Variants in ADAM23 observed in about 807,000 individuals in gnomAD.
ADAM23 encodes disintegrin and metalloproteinase domain-containing protein 23.
A neutral mutation model predicts 120.1 loss-of-function variants in ADAM23; 33 were observed. The ratio of observed to expected loss-of-function variants is 0.27; its 90% CI spans 0.21 to 0.37. The LOEUF (loss-of-function observed/expected upper bound fraction) is 0.37. Among genes scored for constraint, ADAM23 ranks in the 10% least tolerant of loss-of-function variants. The probability of loss-of-function intolerance (pLI) is 1.00; values close to 1 mark genes in which losing one functional copy is unlikely to be tolerated. For missense variants in ADAM23, 862 were observed against 1,058.2 expected, an observed-to-expected ratio of 0.81 and a Z score of 2.57; for synonymous variants, 367 against 375.2, an observed-to-expected ratio of 0.98 and a Z score of 0.25.
intron 2 of ADAM23, among the ~76,000 whole-genome samples, chr2:206,450,453 T>C (rs1422724413): frequency 6.6e-6 from 1 of 152,216 alleles, no homozygotes; most frequent in East Asian, 1.9e-4. Flanking sequence ...AATTGATGAT[T>C]GAACACTTAT....
At chr2:206,571,490 A>G (rs1231073039) in intron 16 of ADAM23, among the ~76,000 whole-genome samples, 1 of 150,092 alleles carries the variant, frequency 6.7e-6, no homozygotes, top group Non-Finnish European at 1.5e-5. Context: ...AACAAAAAGG[A>G]AAAAAAAAAT....
chr2:206,445,325 C>T lies in ADAM23; in HGVS notation c.233C>T (p.Thr78Ile). 6.2e-7 allele frequency: 1 copy of T among 1,613,866 alleles called. No homozygotes were observed. The highest frequency in any genetic ancestry group is 2.2e-5 in the East Asian group (1 of 44,870). The change falls in exon 2 of 26, where the codon ACT becomes ATT. Residue 78 changes from threonine (T) to isoleucine (I), a missense_variant. Coordinates refer to ENST00000264377, the MANE Select transcript of ADAM23 (RefSeq NM_003812.4). ...CCACCAGCTCCGCATTGGAATGAAA[C>T]TGCAGAAAAAAATTTGGGAGTCCTG... ...AAPSAPHWNETAEKNLGVLAD... is the reference protein window; with the variant it reads ...AAPSAPHWNEIAEKNLGVLAD...
At chr2:206,601,175 A>G (rs1698633838) in intron 24 of ADAM23, among the ~76,000 whole-genome samples, 1 of 152,200 alleles carries the variant, frequency 6.6e-6, no homozygotes, top group African/African-American at 2.4e-5. Context: ...TTCTCATTTG[A>G]TAGTTTACAT....
chr2:206,518,375 A>C (rs1044587281), intron 3 of ADAM23, among the ~76,000 whole-genome samples: 1 of 152,164 alleles, frequency 6.6e-6, no homozygotes, highest in African/African-American at 2.4e-5. Flanking sequence ...ATGCACCTCT[A>C]ATCACTATTT....
At position 206,517,049 on chromosome 2, in the gene ADAM23, T is replaced by TA. The variant is rs200219522; in HGVS notation, c.510-13829dup. ...TAAAATAATAGTAAGCTTGCTAAAA[T>TA]AAAAAAACACGCTCGTACACACAAC... On this transcript the variant is annotated intron_variant, in intron 3 of 25. Transcript: ENST00000264377. 2.6e-4 allele frequency among the ~76,000 whole-genome samples: 40 copies of TA among 152,112 alleles called. No homozygotes were observed. In the East Asian group the frequency reaches 6.0e-3, roughly 23 times the overall value.
At chr2:206,560,555 G>A (rs999277963) in intron 11 of ADAM23, among the ~76,000 whole-genome samples, 4 of 152,126 alleles carry the variant, frequency 2.6e-5, no homozygotes, top group Admixed American at 6.5e-5. Context: ...TACAAGAGAG[G>A]CTAGCAAAAT....
At chr2:206,551,491 A>T (rs1697525594) in intron 9 of ADAM23, among the ~76,000 whole-genome samples, 1 of 152,228 alleles carries the variant, frequency 6.6e-6, no homozygotes, top group African/African-American at 2.4e-5. Flanking sequence ...AGAATCTTTT[A>T]AAAAATGCAT....
chr2:206,505,870 C>A (rs747393448), intron 3 of ADAM23, among the ~76,000 whole-genome samples: 4 of 152,174 alleles, frequency 2.6e-5, no homozygotes, highest in African/African-American at 9.7e-5. Context: ...TGGATCTCCA[C>A]CGGCTGTCTA....
At chr2:206,552,222 A>G (rs1453499744) in intron 9 of ADAM23, among the ~76,000 whole-genome samples, 2 of 152,164 alleles carry the variant, frequency 1.3e-5, no homozygotes. Context: ...TGAATGCACA[A>G]AGTGCATTCT....
intron 2 of ADAM23, among the ~76,000 whole-genome samples, chr2:206,455,580 C>T (rs927249837): frequency 2.0e-5 from 3 of 152,190 alleles, no homozygotes; most frequent in Admixed American, 1.3e-4. Context: ...TTATGCTCTG[C>T]TTCTCTTTTA....
At chr2:206,519,848 C>T (rs1240426491) in intron 3 of ADAM23, among the ~76,000 whole-genome samples, 1 of 151,570 alleles carries the variant, frequency 6.6e-6, no homozygotes, top group Non-Finnish European at 1.5e-5. Context: ...TCCATCTCTA[C>T]AAAAAAATAA....
chr2:206,490,521 A>C (rs190943557), intron 3 of ADAM23, among the ~76,000 whole-genome samples: 2 of 152,268 alleles, frequency 1.3e-5, no homozygotes, highest in East Asian at 3.9e-4. Context: ...GGTAGTTTTG[A>C]AAAAGTGTGT....
intron 3 of ADAM23, among the ~76,000 whole-genome samples, chr2:206,523,960 G>A (rs1224616212): frequency 6.6e-6 from 1 of 152,088 alleles, no homozygotes; most frequent in Non-Finnish European, 1.5e-5. Context: ...GAGAGTCTCC[G>A]CAGTGACAGC....
intron 18 of ADAM23, among the ~76,000 whole-genome samples, chr2:206,581,504 T>G (rs946600077): frequency 2.0e-5 from 3 of 152,238 alleles, no homozygotes; most frequent in Non-Finnish European, 4.4e-5. Context: ...AGCAGGTTAT[T>G]TAATTTCCAC....
At chr2:206,603,561 A>G in intron 24 of ADAM23, among the ~76,000 whole-genome samples, 1 of 152,154 alleles carries the variant, frequency 6.6e-6, no homozygotes, top group East Asian at 1.9e-4. Flanking sequence ...CCCACTTTTA[A>G]CTTGCTTTAG....
rs191789535 is a variant in ADAM23 at position 206,554,734 on chromosome 2, A to T, written c.934-2693A>T. ...GATCTTGAGTAAGTTATTTGGGGAT[A>T]ATAAAACCCACCTCATAGAGTTGTG... On this transcript the variant is annotated intron_variant, in intron 9 of 25. Coordinates refer to ENST00000264377, the MANE Select transcript of ADAM23 (RefSeq NM_003812.4). 1.2e-4 allele frequency among the ~76,000 whole-genome samples: 18 copies of T among 152,290 alleles called. No homozygotes were observed. In the East Asian group the frequency reaches 3.5e-3, roughly 29 times the overall value.
chr2:206,575,424 C>G (rs1196783221), intron 18 of ADAM23, among the ~76,000 whole-genome samples: 1 of 151,776 alleles, frequency 6.6e-6, no homozygotes, highest in African/African-American at 2.4e-5. Context: ...TGATTTATAC[C>G]CAGTATGGGT....
rs1574554282 is a variant in ADAM23, at chr2:206,592,819, C to CA, written c.2078+86dup. On this transcript the variant is annotated intron_variant, in intron 22 of 25. Transcript: ENST00000264377. ...ATGAAATTTCAAAAAAATCAGAAATCAAAGATTTTTCTAGTTTTTACAAGA... is the reference window on the plus strand; with the variant it reads ...ATGAAATTTCAAAAAAATCAGAAATCAAAAGATTTTTCTAGTTTTTACAAGA... 5 of 1,491,608 alleles carry CA rather than the reference C, an allele frequency of 3.4e-6. No homozygotes were observed. The East Asian group carries it at 1.2e-4, about 35-fold the overall frequency. 92.4% of individuals were successfully genotyped at this position (1,491,608 alleles called of 1,614,324 possible). A position where few individuals can be genotyped will look rare whatever the true frequency, so the allele number is the denominator to read the frequency against.
intron 24 of ADAM23, chr2:206,605,647 A>G (rs935689228): frequency 4.1e-5 from 26 of 636,720 alleles, no homozygotes; most frequent in Admixed American, 2.5e-4. Flanking sequence ...ATGTGTATGT[A>G]GATCTTAATT....
Sources: allele counts gnomAD v4.1 joint callset (sites outside exome capture counted in the v4.1 genomes callset), GRCh38; gene constraint gnomAD v4.1.1; transcripts MANE v1.5; gene names NCBI Gene and HGNC (gene_info 2026-07-23, HGNC 2026-07-21).